Variants in RHOBTB2 observed in about 807,000 individuals in gnomAD.
RHOBTB2 encodes rho-related BTB domain-containing protein 2.
Under a neutral mutation model 66.5 loss-of-function variants are expected in RHOBTB2, and 39 were observed. That is an observed-to-expected ratio of 0.59 (90% CI 0.45 to 0.77). The LOEUF (loss-of-function observed/expected upper bound fraction) is 0.77, where lower values mean the gene tolerates loss of function less well. Among genes scored for constraint, RHOBTB2 ranks in the 30% least tolerant of loss-of-function variants. RHOBTB2 has a pLI of 0.00. For synonymous variants in RHOBTB2, 390 were observed against 395.0 expected, an observed-to-expected ratio of 0.99 and a Z score of 0.15; for missense variants, 755 against 999.1, an observed-to-expected ratio of 0.76 and a Z score of 3.29.
the RHOBTB2 span, among the ~76,000 whole-genome samples, chr8:22,953,747 A>C: frequency 1.3e-4 from 20 of 152,342 alleles, no homozygotes; most frequent in African/African-American, 4.6e-4. Context: ...GGGAAAGTTC[A>C]CTTCTGCTCT....
At chr8:22,981,813 A>AGAGG in the RHOBTB2 span, among the ~76,000 whole-genome samples, 1 of 152,302 alleles carries the variant, frequency 6.6e-6, no homozygotes, top group Non-Finnish European at 1.5e-5. Context: ...CAGCTTTTCC[A>AGAGG]GACGAGTTTA....
At chr8:22,992,427 T>C (rs1214291055) in intron 2 of RHOBTB2, among the ~76,000 whole-genome samples, 2 of 152,236 alleles carry the variant, frequency 1.3e-5, no homozygotes, top group Non-Finnish European at 1.5e-5. Context: ...CTCCCAGCTC[T>C]GCAGGGCTTA....
chr8:22,961,576 ACC>A, the RHOBTB2 span, among the ~76,000 whole-genome samples: 10 of 152,206 alleles, frequency 6.6e-5, no homozygotes, highest in Non-Finnish European at 1.3e-4. Flanking sequence ...TTTTTGTCCT[ACC>A]TCGTAAGGTA....
At chr8:22,954,368 G>T in the RHOBTB2 span, among the ~76,000 whole-genome samples, 11 of 152,088 alleles carry the variant, frequency 7.2e-5, no homozygotes, top group East Asian at 2.1e-3. Context: ...CGTATGTATA[G>T]ACAAAAATCA....
At chr8:23,008,222 G>A (rs1176257100) in intron 6 of RHOBTB2, 111 bp downstream of exon 6, 1 of 749,326 alleles carries the variant, frequency 1.3e-6, no homozygotes, top group Admixed American at 2.4e-5. Flanking sequence ...GCTAACCACA[G>A]GGTGATGGGC....
At chr8:23,010,039 T>C (rs1381943892) in intron 6 of RHOBTB2, among the ~76,000 whole-genome samples, 2 of 152,162 alleles carry the variant, frequency 1.3e-5, no homozygotes, top group Non-Finnish European at 2.9e-5. Flanking sequence ...TTCTGTTCTG[T>C]GCAGGGATGG....
At chr8:23,001,686 AT>A (rs1388376327) in intron 1 of RHOBTB2, among the ~76,000 whole-genome samples, 1 of 152,234 alleles carries the variant, frequency 6.6e-6, no homozygotes, top group Non-Finnish European at 1.5e-5. Flanking sequence ...CTTCATACCC[AT>A]TTCCCAGAGG....
chr8:22,986,840 T>G (rs1247845911), upstream of RHOBTB2, among the ~76,000 whole-genome samples: 1 of 152,232 alleles, frequency 6.6e-6, no homozygotes, highest in African/African-American at 2.4e-5. Flanking sequence ...CTGCTTCACA[T>G]GTCTCCCGGC....
the RHOBTB2 span, among the ~76,000 whole-genome samples, chr8:22,968,265 G>T: frequency 2.0e-5 from 3 of 151,940 alleles, no homozygotes; most frequent in African/African-American, 7.3e-5. Flanking sequence ...AAGCTAAAAT[G>T]GGAGTTTTTT....
intron 1 of RHOBTB2, among the ~76,000 whole-genome samples, chr8:23,002,285 G>A (rs2430808): frequency 0.76 from 115,280 of 152,192 alleles, 44,910 homozygotes; most frequent in Non-Finnish European, 0.84. Context: ...CTGCCTCCTG[G>A]CGCCAGCACA....
In RHOBTB2 at chr8:23,014,539, C is replaced by T. The variant is rs951455933; in HGVS notation, c.1772-151C>T. 9.5e-6 allele frequency: 6 copies of T among 629,900 alleles called. No individual in the cohort carries two copies. In the Admixed American group the frequency reaches 1.6e-4, roughly 17 times the overall value. The allele number at this position is 629,900 out of a possible 1,614,324, so 39.0% of individuals were successfully genotyped here. A position where few individuals can be genotyped will look rare whatever the true frequency, so the allele number is the denominator to read the frequency against. On this transcript the variant is annotated intron_variant, in intron 7 of 9. Transcript: ENST00000251822. The stretch of plus-strand genomic sequence containing the variant: ...ATCCCTGGGGTCCCCCTGGTGGCAG[C>T]AGACGTCATAGCCTGGGGCCTTTCC...
intron 8 of RHOBTB2, 73 bp from the exon 9 acceptor site, chr8:23,015,565 G>C: frequency 2.9e-6 from 3 of 1,028,818 alleles, no homozygotes; most frequent in Non-Finnish European, 4.5e-6. Context: ...AGCTCTGAAG[G>C]CAGCTGGAGG....
At chr8:22,989,769 G>T (rs2128796135) in intron 1 of RHOBTB2, among the ~76,000 whole-genome samples, 1 of 152,346 alleles carries the variant, frequency 6.6e-6, no homozygotes, top group South Asian at 2.1e-4. Flanking sequence ...GTAAGATAAA[G>T]AGGGTGATTT....
rs115209292 is a variant in RHOBTB2 at position 23,014,774 on chromosome 8, C to T, written c.1856C>T (p.Ala619Val). 5.0e-6 allele frequency: 8 copies of T among 1,613,386 alleles called. No homozygotes were observed. In the African/African-American group the frequency reaches 5.3e-5, roughly 11 times the overall value. ...GACGTCCTTGTGTTCCTGGAACTGG[C>T]TCAGGTATCATGGCAGGGGAGGGAA... ...DGDVLVFLEL[A>V]QFHCAYQLAD... is the part of the protein sequence containing the mutation. Residue 619 changes from alanine (A) to valine (V), a missense_variant, in exon 8 of 10, where the codon GCT becomes GTT. By Grantham distance (64) the Ala-to-Val change is moderately conservative. Around this residue, in one of 7 missense-constraint regions of RHOBTB2, gnomAD observed 353 missense variants for 458.2 expected, o/e 0.77. Coordinates refer to ENST00000251822, the MANE Select transcript of RHOBTB2 (RefSeq NM_015178.3).
the RHOBTB2 span, among the ~76,000 whole-genome samples, chr8:22,961,220 G>A: frequency 3.8e-4 from 58 of 152,210 alleles, no homozygotes; most frequent in Admixed American, 6.5e-4. Context: ...TACCTTAGTA[G>A]TAAACTAACT....
rs1363393113 is a variant in RHOBTB2 at position 23,010,758 on chromosome 8, C to T, written c.1771+70C>T. 3 of 1,513,678 alleles carry T rather than the reference C, an allele frequency of 2.0e-6. No homozygotes were observed. In the East Asian group the frequency reaches 6.8e-5, roughly 34 times the overall value. The allele number at this position is 1,513,678 out of a possible 1,614,324, so 93.8% of individuals were successfully genotyped here. A position where few individuals can be genotyped will look rare whatever the true frequency, so the allele number is the denominator to read the frequency against. On this transcript the variant is annotated intron_variant, in intron 7 of 9. Transcript: ENST00000251822. ...GGGAAACCCCAAGGTGCAATGTTCT[C>T]CTCTCACGTCTCTCCTGGGGGACAA...
At chr8:22,981,467 G>C in the RHOBTB2 span, among the ~76,000 whole-genome samples, 1 of 152,186 alleles carries the variant, frequency 6.6e-6, no homozygotes, top group African/African-American at 2.4e-5. Context: ...ACATTCTCTC[G>C]CCAGGGCAGG....
At chr8:22,957,287 G>T in the RHOBTB2 span, among the ~76,000 whole-genome samples, 3 of 151,996 alleles carry the variant, frequency 2.0e-5, no homozygotes, top group African/African-American at 7.3e-5. Context: ...TGTCTTCCAG[G>T]ATCTTCCACT....
At chr8:22,973,714 C>T in the RHOBTB2 span, among the ~76,000 whole-genome samples, 1 of 152,152 alleles carries the variant, frequency 6.6e-6, no homozygotes, top group African/African-American at 2.4e-5. Context: ...TAATGAAAAT[C>T]TCCCTCCTTG....
Sources: gnomAD v4.1 joint callset for allele counts (sites outside exome capture counted in the v4.1 genomes callset) on GRCh38, gnomAD v4.1.1 for gene constraint, gnomAD v4.1.1 regional missense constraint, MANE v1.5 for transcripts, NCBI Gene and HGNC (gene_info 2026-07-23, HGNC 2026-07-21) for gene names.